NEB: variants seen among roughly 807,000 people sequenced by gnomAD.
NEB encodes the protein nebulin.
In NEB, 512 loss-of-function variants were observed where a neutral mutation model predicts 952.2. The ratio of observed to expected loss-of-function variants is 0.54; its 90% CI spans 0.50 to 0.58. NEB has a LOEUF of 0.58. Ranked by LOEUF, NEB falls within the 20% of genes least tolerant of loss-of-function variation. The pLI, the probability that NEB is intolerant of heterozygous loss-of-function variation, is 0.00. For synonymous variants in NEB, 2,900 were observed against 3,149.8 expected, an observed-to-expected ratio of 0.92 and a Z score of 2.66; for missense variants, 8,428 against 9,231.1, an observed-to-expected ratio of 0.91 and a Z score of 3.56.
chr2:151,610,824 G>A lies in NEB; in HGVS notation c.11848C>T (p.His3950Tyr), dbSNP rs1159381101. 3 of 1,604,972 alleles carry A rather than the reference G, an allele frequency of 1.9e-6. No individual in the cohort carries two copies. The highest frequency in any genetic ancestry group is 2.6e-6 in the Non-Finnish European group (3 of 1,175,364). Residue 3950 changes from histidine to tyrosine, a missense_variant, in exon 79 of 182, where the codon CAC becomes TAC. By Grantham distance (83) the His-to-Tyr change is moderately conservative. Around this residue, in one of 11 missense-constraint regions of NEB, gnomAD observed 337 missense variants for 297.5 expected, o/e 1.13. Transcript: ENST00000397345. ...EAWDADKTSI[H>Y]VMPDTPDILL... ...ATATCTGGGGTGTCTGGCATCACGT[G>A]GATGGAGGTTTTGTCAGCATCCCAA...
chr2:151,535,488 C>T (rs756923494), intron 142 of NEB, among the ~76,000 whole-genome samples: 2 of 152,184 alleles, frequency 1.3e-5, no homozygotes, highest in South Asian at 2.1e-4. Flanking sequence ...CACCACTGAA[C>T]GGTCCCTTCA....
chr2:151,632,262 C>T (rs888301312), intron 65 of NEB, among the ~76,000 whole-genome samples: 2 of 151,582 alleles, frequency 1.3e-5, no homozygotes, highest in African/African-American at 2.4e-5. Flanking sequence ...AAAGATTTCA[C>T]CTGTCACAGA....
In NEB at chr2:151,562,116, C is replaced by T; in HGVS notation, c.18990G>A (p.Gln6330=). 6.2e-7 allele frequency: 1 copy of T among 1,613,294 alleles called. No homozygotes were observed. Among genetic ancestry groups the T allele is most frequent in the Non-Finnish European group, 8.5e-7 (1 of 1,179,364 alleles). Residue 6330 remains glutamine (Q), a synonymous_variant, in exon 121 of 182, where the codon CAG becomes CAA. Coordinates refer to ENST00000397345, the MANE Select transcript of NEB (RefSeq NM_001164508.2). ...TTCTAGGAAGGTGGCTCACCTGACT[C>T]TGAAGGTCGTATGATTTCTTGGCAT... ...ILHAKKSYDL[Q]SQLQYTAAGK...
intron 9 of NEB, among the ~76,000 whole-genome samples, chr2:151,722,577 G>A (rs916432926): frequency 5.9e-5 from 9 of 152,014 alleles, no homozygotes; most frequent in Admixed American, 1.3e-4. Flanking sequence ...TGGAGGTCTC[G>A]CTGTTGCCCA....
In NEB at chr2:151,697,451, A is replaced by G. The variant is rs1576707025; in HGVS notation, c.1264T>C (p.Tyr422His). The G allele has an allele frequency of 6.2e-7, 1 of 1,612,696 alleles. No individual in the cohort carries two copies. The highest frequency in any genetic ancestry group is 8.5e-7 in the Non-Finnish European group (1 of 1,179,110). ...ATATCTTTTAAGTAGGAATCTTTAT[A>G]TTTTTTCTGCAAGACAAAACATACT... ...VLQNFSSDKK[Y>H]KDSYLKDILG... The change falls in exon 15 of 182, where the codon TAT (tyrosine) becomes CAT (histidine). Residue 422 changes from tyrosine (Y) to histidine (H), a missense_variant. This residue lies in a region of NEB where 2,851 missense variants were observed against 2,791.5 expected (regional missense o/e 1.02). Transcript: ENST00000397345.
intron 117 of NEB, among the ~76,000 whole-genome samples, chr2:151,564,294 A>G (rs1289750850): frequency 1.3e-5 from 2 of 152,054 alleles, no homozygotes; most frequent in Non-Finnish European, 2.9e-5. Context: ...AGCTGGGATT[A>G]CACGCACGCA....
chr2:151,609,962 A>G lies in NEB; in HGVS notation c.12177T>C (p.Ser4059=). 2 of 1,614,008 alleles carry G rather than the reference A, an allele frequency of 1.2e-6. No individual in the cohort carries two copies. The highest frequency in any genetic ancestry group is 4.5e-5 in the East Asian group (2 of 44,866). Residue 4059 remains serine (S), a synonymous_variant, in exon 81 of 182, where the codon TCT becomes TCC. Transcript: ENST00000397345. ...AGATGCTTAACATGTCCACTGGGCT[A>G]GAGAACTTGGTTTTCCACTTTTGGA... ...KEFQKWKTKF[S]SPVDMLSILL...
At chr2:151,686,326 ATG>A (rs1354629588) in intron 27 of NEB, among the ~76,000 whole-genome samples, 2 of 152,218 alleles carry the variant, frequency 1.3e-5, no homozygotes, top group African/African-American at 4.8e-5. Flanking sequence ...CTCATTTGCT[ATG>A]TGTTTTGGTC....
Position 151,697,381 on chromosome 2 carries a change from T to C in NEB, c.1334A>G (p.His445Arg). The change falls in exon 15 of 182, where the codon CAC becomes CGC. Residue 445 changes from histidine to arginine, a missense_variant. Around this residue, in one of 11 missense-constraint regions of NEB, gnomAD observed 2,851 missense variants for 2,791.5 expected, o/e 1.02. Transcript: ENST00000397345. The part of the protein sequence containing the change: ...VGSFEDPYHS[H>R]CMKVTAQNSD... The stretch of plus-strand genomic sequence containing the variant: ...GTTTTGAGCTGTGACTTTCATGCAG[T>C]GTGAATGGTATGGATCCTCGAAGCT... 1.2e-6 allele frequency: 2 copies of C among 1,613,978 alleles called. No individual in the cohort carries two copies.
Position 151,518,300 on chromosome 2 carries a change from C to A in NEB, c.22800+18G>T. 2 of 1,532,504 alleles carry A rather than the reference C, an allele frequency of 1.3e-6. No individual in the cohort carries two copies. Among genetic ancestry groups the A allele is most frequent in the Non-Finnish European group, 1.8e-6 (2 of 1,106,008 alleles). The allele number at this position is 1,532,504 out of a possible 1,614,324, so 94.9% of individuals were successfully genotyped here. The stretch of plus-strand genomic sequence containing the variant: ...GATGAATGTGCGCCAGAGGAAAAAT[C>A]GGTCTTGATCCACTTACTATACTCT... On this transcript the variant is annotated intron_variant, in intron 156 of 181. Coordinates refer to ENST00000397345, the MANE Select transcript of NEB (RefSeq NM_001164508.2).
At chr2:151,704,604 G>T (rs142705808) in intron 13 of NEB, among the ~76,000 whole-genome samples, 2 of 152,206 alleles carry the variant, frequency 1.3e-5, no homozygotes, top group African/African-American at 2.4e-5. Context: ...CAATATTCGG[G>T]AGGGAGTGAC....
At position 151,662,316 on chromosome 2, in the gene NEB, T is replaced by A. The variant is rs754277025; in HGVS notation, c.5789A>T (p.Asp1930Val). Residue 1930 changes from aspartate (D) to valine (V), a missense_variant, in exon 46 of 182, where the codon GAC (aspartate) becomes GTC (valine). Transcript: ENST00000397345. ...SDNQYKADYA[D>V]FMKGIGWLPL... is the part of the protein sequence containing the mutation. Reference sequence around the variant, plus strand: ...GAGCCATCCAATGCCCTTCATGAAGTCAGCATAGTCAGCCTTGTACTGATT... The same window carrying A: ...GAGCCATCCAATGCCCTTCATGAAGACAGCATAGTCAGCCTTGTACTGATT... The A allele has an allele frequency of 6.2e-7, 1 of 1,613,422 alleles. No homozygotes were observed. Among genetic ancestry groups the A allele is most frequent in the East Asian group, 2.2e-5 (1 of 44,868 alleles).
At chr2:151,668,730 A>G (rs2154184866) in intron 39 of NEB, among the ~76,000 whole-genome samples, 1 of 152,046 alleles carries the variant, frequency 6.6e-6, no homozygotes, top group South Asian at 2.1e-4. Flanking sequence ...CAGACTAGGC[A>G]CTCTTGTGTT....
intron 162 of NEB, 192 bp from the exon 163 acceptor site, chr2:151,507,205 AT>A: frequency 1.9e-6 from 1 of 537,536 alleles, no homozygotes. Context: ...TAAAAAACAT[AT>A]AAAGCTAGGG....
At chr2:151,654,419 C>T (rs545014209) in intron 51 of NEB, among the ~76,000 whole-genome samples, 2 of 152,220 alleles carry the variant, frequency 1.3e-5, no homozygotes, top group Admixed American at 1.3e-4. Flanking sequence ...ACCGCCTGGG[C>T]TTACTATTTT....
Position 151,581,474 on chromosome 2 carries a change from C to G in NEB, c.16284+9G>C. ...CACTGTGAAAAGCAAATGATGTGTG[C>G]TGTCTTACATTGCTGATCTGCAGGG... is the stretch of plus-strand genomic sequence containing the variant. On this transcript the variant is annotated intron_variant, in intron 103 of 181. Coordinates refer to ENST00000397345, the MANE Select transcript of NEB (RefSeq NM_001164508.2). 1 of 749,282 alleles carries G rather than the reference C, an allele frequency of 1.3e-6. No homozygotes were observed. The highest frequency in any genetic ancestry group is 2.7e-5 in the Admixed American group (1 of 37,068). The allele number at this position is 749,282 out of a possible 1,614,324, so 46.4% of individuals were successfully genotyped here. A position where few individuals can be genotyped will look rare whatever the true frequency, so the allele number is the denominator to read the frequency against.
chr2:151,657,925 C>G, intron 48 of NEB, 58 bp downstream of exon 48: 15 of 1,218,420 alleles, frequency 1.2e-5, no homozygotes, highest in Non-Finnish European at 1.8e-5. Context: ...GAACTCAGCC[C>G]TTATTATTTC....
At chr2:151,691,799 A>G in intron 23 of NEB, 65 bp downstream of exon 23, 1 of 1,182,860 alleles carries the variant, frequency 8.5e-7, no homozygotes, top group African/African-American at 1.5e-5. Flanking sequence ...ACTCCTGCTA[A>G]ATTTACCACT....
At chr2:151,671,507 T>C (rs773447948) in intron 37 of NEB, 8 of 382,422 alleles carry the variant, frequency 2.1e-5, no homozygotes, top group Non-Finnish European at 3.3e-5. Context: ...GTACTTTCTA[T>C]AATGGTTGTT....
Sources: allele counts gnomAD v4.1 joint callset (sites outside exome capture counted in the v4.1 genomes callset), GRCh38; gene constraint gnomAD v4.1.1; regional missense constraint gnomAD v4.1.1; transcripts MANE v1.5; gene names NCBI Gene and HGNC (gene_info 2026-07-23, HGNC 2026-07-21).